The following PP2D1 variants were observed in gnomAD, a reference collection of about 807,000 sequenced individuals.
The protein encoded by PP2D1 is protein phosphatase 2C like domain containing 1.
In PP2D1, 25 loss-of-function variants were observed where a neutral mutation model predicts 30.2. The observed-to-expected ratio is 0.83, with a 90% CI of 0.60 to 1.16. The LOEUF is 1.16. Ranked by LOEUF, PP2D1 falls within the 50% of genes most tolerant of loss-of-function variation. The pLI is 0.00. For synonymous variants in PP2D1, 260 were observed against 258.9 expected, an observed-to-expected ratio of 1.00 and a Z score of -0.04; for missense variants, 760 against 742.4, an observed-to-expected ratio of 1.02 and a Z score of -0.28.
chr3:19,999,967 C>T (rs1697231319), intron 2 of PP2D1, among the ~76,000 whole-genome samples: 1 of 152,160 alleles, frequency 6.6e-6, no homozygotes, highest in Non-Finnish European at 1.5e-5. Flanking sequence ...ACATTTCAGG[C>T]TCAGAACCAG....
At chr3:20,008,676 A>G (rs1416600470) in intron 1 of PP2D1, among the ~76,000 whole-genome samples, 1 of 152,176 alleles carries the variant, frequency 6.6e-6, no homozygotes, top group Non-Finnish European at 1.5e-5. Flanking sequence ...GCTTGAGCCC[A>G]GGAGGTTGAG....
chr3:19,982,473 A>G (rs781683418), downstream of PP2D1, among the ~76,000 whole-genome samples: 1 of 152,154 alleles, frequency 6.6e-6, no homozygotes, highest in African/African-American at 2.4e-5. Flanking sequence ...ATAATTGTTC[A>G]TTCTCAAAAA....
intron 1 of PP2D1, among the ~76,000 whole-genome samples, chr3:20,006,762 G>A (rs560279215): frequency 2.0e-5 from 3 of 151,018 alleles, no homozygotes; most frequent in Admixed American, 6.6e-5. Flanking sequence ...CTACTGCATC[G>A]GCCCTCCCGT....
chr3:19,990,050 A>G (rs1205742017), intron 2 of PP2D1, among the ~76,000 whole-genome samples: 1 of 151,982 alleles, frequency 6.6e-6, no homozygotes, highest in Non-Finnish European at 1.5e-5. Context: ...ATGTTGGCCC[A>G]TTTTATTACT....
intron 2 of PP2D1, among the ~76,000 whole-genome samples, chr3:19,990,772 C>A (rs7613136): frequency 0.6 from 84,265 of 139,556 alleles, 24,178 homozygotes; most frequent in African/African-American, 0.66. Context: ...TTTTTTTTTG[C>A]GGAGTCTTGC....
chr3:20,011,795 T>G (rs1445457445), intron 1 of PP2D1, among the ~76,000 whole-genome samples: 1 of 148,084 alleles, frequency 6.8e-6, no homozygotes, highest in Non-Finnish European at 1.5e-5. Flanking sequence ...CGAGACTCTG[T>G]CTCAAAATAA....
chr3:20,011,535 A>G (rs1697386288), intron 1 of PP2D1, among the ~76,000 whole-genome samples: 1 of 152,288 alleles, frequency 6.6e-6, no homozygotes, highest in African/African-American at 2.4e-5. Context: ...ACAGTGGCTC[A>G]TGCCTATAAT....
chr3:19,994,833 A>T (rs1697157621), intron 2 of PP2D1, among the ~76,000 whole-genome samples: 1 of 152,184 alleles, frequency 6.6e-6, no homozygotes, highest in Non-Finnish European at 1.5e-5. Context: ...AGTCTTTCTC[A>T]AGTGTTTAGA....
rs1697244198 is a variant in PP2D1, at chr3:20,001,078, G to T, written c.1042C>A (p.Gln348Lys). 1 of 1,402,480 alleles carries T rather than the reference G, an allele frequency of 7.1e-7. No homozygotes were observed. Among genetic ancestry groups the T allele is most frequent in the African/African-American group, 1.4e-5 (1 of 69,548 alleles). The allele number at this position is 1,402,480 out of a possible 1,614,324, so 86.9% of individuals were successfully genotyped here. ...HDGLAESSPS[Q>K]EMPKIISGIL... is the part of the protein sequence containing the mutation. ...CCAGAAATTATTTTTGGCATCTCCT[G>T]GGAAGGGGAGCTCTCTGCCAACCCA... Residue 348 changes from glutamine (Q) to lysine (K), a missense_variant, in exon 2 of 3, where the codon CAG (glutamine) becomes AAG (lysine). Gln to Lys is a moderately conservative substitution (Grantham distance 53). Around this residue, in one of 3 missense-constraint regions of PP2D1, gnomAD observed 17 missense variants for 37.4 expected, o/e 0.45. Transcript: ENST00000389050.
intron 2 of PP2D1, among the ~76,000 whole-genome samples, chr3:19,989,478 C>A (rs565984511): frequency 3.3e-5 from 5 of 152,296 alleles, no homozygotes; most frequent in African/African-American, 1.2e-4. Flanking sequence ...ATACATAGTT[C>A]TAAAGGCTAT....
chr3:20,003,750 C>T (rs1697284594), intron 1 of PP2D1, among the ~76,000 whole-genome samples: 1 of 151,288 alleles, frequency 6.6e-6, no homozygotes, highest in Non-Finnish European at 1.5e-5. Context: ...GACTCCATCT[C>T]AAAAGATAAA....
intron 1 of PP2D1, among the ~76,000 whole-genome samples, chr3:20,010,816 A>G (rs1330112229): frequency 1.3e-5 from 2 of 151,942 alleles, no homozygotes; most frequent in Admixed American, 6.6e-5. Context: ...ATAAATGAAT[A>G]AATAAATAAA....
chr3:20,003,683 G>A (rs933369553), intron 1 of PP2D1, among the ~76,000 whole-genome samples: 1 of 151,938 alleles, frequency 6.6e-6, no homozygotes, highest in African/African-American at 2.4e-5. Context: ...GACAGGAGGC[G>A]GAGGCTGCAG....
In PP2D1 at chr3:20,002,357, G is replaced by C. The variant is rs185426572; in HGVS notation, c.24-261C>G. Reference sequence around the variant, plus strand: ...GCAAATGCTCAGATAAATCAGCACAGTATTTTACCTTAGACATGCGAAAGT... The same window carrying C: ...GCAAATGCTCAGATAAATCAGCACACTATTTTACCTTAGACATGCGAAAGT... On this transcript the variant is annotated intron_variant, in intron 1 of 2. Coordinates refer to ENST00000389050, the MANE Select transcript of PP2D1 (RefSeq NM_001252657.2). Among the ~76,000 whole-genome samples, 19 of 152,298 alleles carry C rather than the reference G, an allele frequency of 1.2e-4. No individual in the cohort carries two copies. The East Asian group carries it at 3.5e-3, about 28-fold the overall frequency.
At chr3:19,980,839 A>G (rs1417555005), downstream of PP2D1, among the ~76,000 whole-genome samples, 1 of 152,170 alleles carries the variant, frequency 6.6e-6, no homozygotes, top group Non-Finnish European at 1.5e-5. Context: ...TTTCTTTCCA[A>G]ACTTCAGTGC....
intron 2 of PP2D1, among the ~76,000 whole-genome samples, 193 bp from the exon 3 acceptor site, chr3:19,986,375 A>G (rs1424518535): frequency 1.3e-5 from 2 of 152,208 alleles, no homozygotes; most frequent in East Asian, 1.9e-4. Context: ...AAACAGGTCA[A>G]TTTATCCCTC....
intron 1 of PP2D1, among the ~76,000 whole-genome samples, chr3:20,009,550 A>G (rs1479172890): frequency 2.0e-5 from 3 of 152,214 alleles, no homozygotes; most frequent in Non-Finnish European, 4.4e-5. Flanking sequence ...ATTAAAAATG[A>G]ATGGAAAATA....
intron 1 of PP2D1, chr3:20,008,080 A>G (rs1298311347): frequency 6.2e-6 from 1 of 162,398 alleles, no homozygotes. Flanking sequence ...GGTTGCATCT[A>G]TCCAAGTGTA....
At chr3:20,010,403 A>C (rs953414355) in intron 1 of PP2D1, among the ~76,000 whole-genome samples, 3 of 151,998 alleles carry the variant, frequency 2.0e-5, no homozygotes, top group Non-Finnish European at 4.4e-5. Context: ...CCTGTTATTT[A>C]ATTTTATCAC....
Sources: gnomAD v4.1 joint callset for allele counts (sites outside exome capture counted in the v4.1 genomes callset) on GRCh38, gnomAD v4.1.1 for gene constraint, gnomAD v4.1.1 regional missense constraint, MANE v1.5 for transcripts, NCBI Gene and HGNC (gene_info 2026-07-23, HGNC 2026-07-21) for gene names.